The following TRPM3 variants were observed in gnomAD, a reference collection of about 807,000 sequenced individuals.
The protein encoded by TRPM3 is long transient receptor potential channel 3.
A neutral mutation model predicts 181.2 loss-of-function variants in TRPM3; 77 were observed. The observed-to-expected ratio is 0.42, with a 90% CI of 0.35 to 0.51. TRPM3 has a LOEUF of 0.51. TRPM3 is among the 20% of genes least tolerant of loss of function. TRPM3 has a pLI of 0.01. For missense variants in TRPM3, 1,759 were observed against 2,196.7 expected (o/e 0.80, Z 3.98); for synonymous variants, 745 against 796.4 (o/e 0.94, Z 1.09).
chr9:70,682,505 CT>C (rs1187964304), intron 8 of TRPM3, among the ~76,000 whole-genome samples: 39 of 152,174 alleles, frequency 2.6e-4, no homozygotes, highest in Non-Finnish European at 4.9e-4. Context: ...TGGAGTACAT[CT>C]GACTTTGTAT....
intron 1 of TRPM3, among the ~76,000 whole-genome samples, chr9:71,096,619 CT>C: frequency 6.6e-6 from 1 of 150,466 alleles, no homozygotes; most frequent in Non-Finnish European, 1.5e-5. Context: ...CTCTCTCTCT[CT>C]CTCTCCCCCT....
intron 9 of TRPM3, among the ~76,000 whole-genome samples, chr9:70,671,218 T>C (rs947752248): frequency 3.3e-5 from 5 of 152,142 alleles, no homozygotes; most frequent in African/African-American, 1.2e-4. Flanking sequence ...TTCTATCTTA[T>C]AGATGGGGAG....
At chr9:71,418,119 A>T (rs539901478) in intron 1 of TRPM3, among the ~76,000 whole-genome samples, 5 of 152,094 alleles carry the variant, frequency 3.3e-5, no homozygotes, top group African/African-American at 9.6e-5. Context: ...TAATAATAAT[A>T]GTCAGCAGCA....
At position 70,986,874 on chromosome 9, in the gene TRPM3, A is replaced by G. The variant is rs555370441; in HGVS notation, c.178-122363T>C. On this transcript the variant is annotated intron_variant, in intron 1 of 25. Coordinates refer to ENST00000677713, the MANE Select transcript of TRPM3 (RefSeq NM_001366145.2). ...ATCCCTCAAGGAGTATCGTTTAACC[A>G]AAAGTGGATCAGTGTCTTCTGATAG... 4.6e-5 allele frequency among the ~76,000 whole-genome samples: 7 copies of G among 152,144 alleles called. No individual in the cohort carries two copies. The East Asian group carries it at 1.4e-3, about 29-fold the overall frequency.
intron 1 of TRPM3, among the ~76,000 whole-genome samples, chr9:71,359,181 G>C (rs549089807): frequency 5.8e-4 from 89 of 152,164 alleles, no homozygotes; most frequent in Non-Finnish European, 1.0e-3. Context: ...AAAAGTCTTA[G>C]AGCTTGAATG....
At chr9:71,213,191 G>T (rs2079619710) in intron 1 of TRPM3, among the ~76,000 whole-genome samples, 1 of 152,080 alleles carries the variant, frequency 6.6e-6, no homozygotes, top group African/African-American at 2.4e-5. Context: ...ATATGTATAG[G>T]AATGAGTGTG....
chr9:71,408,622 G>A (rs576341404), intron 1 of TRPM3, among the ~76,000 whole-genome samples: 11 of 152,296 alleles, frequency 7.2e-5, no homozygotes, highest in South Asian at 4.1e-4. Flanking sequence ...CCAAATCTAC[G>A]TTTGATTGGT....
Position 70,969,756 on chromosome 9 carries a change from T to TTATATATATATATATA in TRPM3, c.178-105261_178-105246dup, listed in dbSNP as rs78938143. 2.0e-3 allele frequency among the ~76,000 whole-genome samples: 257 copies of TTATATATATATATATA among 126,450 alleles called. 1 individual carries two copies. The highest frequency in any genetic ancestry group is 5.9e-3 in the South Asian group (22 of 3,760). The allele number at this position is 126,450 out of a possible 152,430, so 83.0% of individuals were successfully genotyped here. On this transcript the variant is annotated intron_variant, in intron 1 of 25. Transcript: ENST00000677713. ...GGATTGTTGTGAAGACTGAATGATT[T>TTATATATATATATATA]TATATATATATATATATATATATAC...
chr9:71,001,448 A>G (rs1475367617), intron 1 of TRPM3, among the ~76,000 whole-genome samples: 2 of 152,216 alleles, frequency 1.3e-5, no homozygotes, highest in East Asian at 1.9e-4. Context: ...TGAACCTGAT[A>G]GTTCTGGTAT....
chr9:70,915,117 T>C (rs890277816), intron 1 of TRPM3, among the ~76,000 whole-genome samples: 1 of 152,066 alleles, frequency 6.6e-6, no homozygotes, highest in Non-Finnish European at 1.5e-5. Flanking sequence ...AATAAGATCA[T>C]AGAGAAACAG....
chr9:71,275,591 A>G lies in TRPM3; in HGVS notation c.183+171062T>C, dbSNP rs2084140962. Among the ~76,000 whole-genome samples the G allele has an allele frequency of 2.6e-5, 4 of 152,088 alleles. No homozygotes were observed. In the South Asian group the frequency reaches 8.3e-4, roughly 32 times the overall value. On this transcript the variant is annotated intron_variant, in intron 1 of 24. Coordinates refer to the TRPM3 transcript ENST00000357533. ...TTCTATAATATGTAGGGAATTATGA[A>G]GTTCCAATAGTTATACATACTAATT... is the stretch of plus-strand genomic sequence containing the variant.
At chr9:70,787,554 CTT>C (rs1469243478) in intron 6 of TRPM3, among the ~76,000 whole-genome samples, 1 of 33,544 alleles carries the variant, frequency 3.0e-5, no homozygotes, top group African/African-American at 1.4e-4. Context: ...CACACACACA[CTT>C]ACTTACACAC....
chr9:71,293,030 T>C (rs1451550165), intron 1 of TRPM3, among the ~76,000 whole-genome samples: 1 of 151,918 alleles, frequency 6.6e-6, no homozygotes, highest in Non-Finnish European at 1.5e-5. Context: ...CAGCTACAGT[T>C]CAAAGAAAGA....
intron 1 of TRPM3, among the ~76,000 whole-genome samples, chr9:71,180,084 C>T (rs1448753745): frequency 3.6e-5 from 4 of 111,420 alleles, no homozygotes; most frequent in Admixed American, 1.2e-4. Context: ...GACAGAGTTT[C>T]ACTCTCATTA....
chr9:70,543,217 G>A (rs954363832), intron 25 of TRPM3, among the ~76,000 whole-genome samples: 21 of 152,162 alleles, frequency 1.4e-4, no homozygotes, highest in African/African-American at 5.1e-4. Context: ...TTAATTTTGT[G>A]GGTACATAGT....
chr9:70,943,353 T>C (rs1402762319), intron 1 of TRPM3, among the ~76,000 whole-genome samples: 2 of 152,232 alleles, frequency 1.3e-5, no homozygotes, highest in Non-Finnish European at 2.9e-5. Flanking sequence ...ATGAATGCCA[T>C]TGCATTTACC....
intron 1 of TRPM3, among the ~76,000 whole-genome samples, chr9:70,981,167 T>C (rs1221579269): frequency 2.0e-5 from 3 of 152,180 alleles, no homozygotes; most frequent in Non-Finnish European, 4.4e-5. Context: ...AAGCTGACAA[T>C]GTGATTTGGT....
chr9:70,683,979 A>T (rs1233829173), intron 8 of TRPM3, among the ~76,000 whole-genome samples: 1 of 152,216 alleles, frequency 6.6e-6, no homozygotes, highest in Non-Finnish European at 1.5e-5. Flanking sequence ...CTTAGCTGGC[A>T]GCAAGCTGAG....
At chr9:70,620,394 G>A in intron 15 of TRPM3, 29 bp from the exon 16 acceptor site, 1 of 1,580,110 alleles carries the variant, frequency 6.3e-7, no homozygotes, top group Non-Finnish European at 8.6e-7. Flanking sequence ...CACACAGACT[G>A]AGTTAGAAAT....
Sources: allele counts gnomAD v4.1 joint callset (sites outside exome capture counted in the v4.1 genomes callset), GRCh38; gene constraint gnomAD v4.1.1; transcripts MANE v1.5; gene names NCBI Gene and HGNC (gene_info 2026-07-23, HGNC 2026-07-21).